Variants in SHISA6 observed in about 807,000 individuals in gnomAD.
The protein encoded by SHISA6 is protein shisa-6.
Under a neutral mutation model 47.9 loss-of-function variants are expected in SHISA6, and 22 were observed. The ratio of observed to expected loss-of-function variants is 0.46; its 90% CI spans 0.33 to 0.66. The LOEUF is 0.66. SHISA6 is among the 30% of genes least tolerant of loss of function. The pLI is 0.02. For synonymous variants in SHISA6, 388 were observed against 337.8 expected (o/e 1.15, Z -1.63); for missense variants, 680 against 764.6 (o/e 0.89, Z 1.30).
chr17:11,545,476 G>A (rs2071875669), intron 3 of SHISA6, among the ~76,000 whole-genome samples: 2 of 152,178 alleles, frequency 1.3e-5, no homozygotes, highest in South Asian at 4.1e-4. Context: ...CATTGACTGT[G>A]TTAATGCCAA....
chr17:11,321,719 C>T (rs1007567710), intron 2 of SHISA6, among the ~76,000 whole-genome samples: 3 of 152,030 alleles, frequency 2.0e-5, no homozygotes, highest in Non-Finnish European at 4.4e-5. Flanking sequence ...GTTTTTGCTG[C>T]TATTGTTGTT....
Position 11,541,880 on chromosome 17 carries a change from T to C in SHISA6, c.896-10016T>C, listed in dbSNP as rs16944985. Among the ~76,000 whole-genome samples the C allele has an allele frequency of 4.7e-3, 708 of 152,236 alleles. 13 individuals carry two copies. In the East Asian group the frequency reaches 0.069, roughly 15 times the overall value. ...TGATTGGGGAGACTGTGCCCAGAAC[T>C]CCAGTGAAGCTGGTCATGCCCCAGT... On this transcript the variant is annotated intron_variant, in intron 3 of 5. Coordinates refer to ENST00000441885, the MANE Select transcript of SHISA6 (RefSeq NM_207386.4).
chr17:11,375,621 G>A (rs1355098368), intron 2 of SHISA6, among the ~76,000 whole-genome samples: 1 of 152,068 alleles, frequency 6.6e-6, no homozygotes, highest in Non-Finnish European at 1.5e-5. Context: ...TCTTATCAGA[G>A]TCAGCCGTAT....
intron 1 of SHISA6, among the ~76,000 whole-genome samples, chr17:11,251,887 C>T (rs545672874): frequency 1.3e-5 from 2 of 152,292 alleles, no homozygotes; most frequent in South Asian, 2.1e-4. Flanking sequence ...ACCTGCCACA[C>T]GCCTCAAGGT....
chr17:11,444,178 G>T (rs1482490076), intron 3 of SHISA6, among the ~76,000 whole-genome samples: 1 of 152,098 alleles, frequency 6.6e-6, no homozygotes, highest in African/African-American at 2.4e-5. Flanking sequence ...AATTAGCTAG[G>T]CGTGGTGGCA....
At chr17:11,245,772 G>T (rs1353221047) in intron 1 of SHISA6, among the ~76,000 whole-genome samples, 2 of 152,048 alleles carry the variant, frequency 1.3e-5, no homozygotes, top group African/African-American at 4.8e-5. Flanking sequence ...TATCTAGGTG[G>T]GTGGGAAGAA....
chr17:11,467,840 G>C (rs753422566), intron 3 of SHISA6, among the ~76,000 whole-genome samples: 1 of 152,138 alleles, frequency 6.6e-6, no homozygotes, highest in Admixed American at 6.5e-5. Flanking sequence ...AGATAATGGC[G>C]AACCAAGTAC....
intron 3 of SHISA6, among the ~76,000 whole-genome samples, chr17:11,393,311 A>G (rs909304930): frequency 6.6e-6 from 1 of 152,022 alleles, no homozygotes; most frequent in Non-Finnish European, 1.5e-5. Flanking sequence ...TTACCATTCT[A>G]TTTCATTCTC....
At chr17:11,395,738 G>A (rs1056344793) in intron 3 of SHISA6, among the ~76,000 whole-genome samples, 7 of 151,818 alleles carry the variant, frequency 4.6e-5, no homozygotes, top group Admixed American at 1.3e-4. Context: ...CGCTGGTCTC[G>A]AACTCCTGAT....
At chr17:11,325,499 C>T (rs1283516428) in intron 2 of SHISA6, among the ~76,000 whole-genome samples, 4 of 152,108 alleles carry the variant, frequency 2.6e-5, no homozygotes, top group South Asian at 4.1e-4. Flanking sequence ...TAGGTGAAAG[C>T]GAGCTTTACA....
At position 11,560,957 on chromosome 17, in the gene SHISA6, A is replaced by T. The variant is rs2072037777; in HGVS notation, c.*2653A>T. On this transcript the variant is annotated 3_prime_UTR_variant, in exon 6 of 6. Coordinates refer to ENST00000441885, the MANE Select transcript of SHISA6 (RefSeq NM_207386.4). ...GGGAGGGGAGGAGGGAAGAAAAAAG[A>T]AGTAGAGATAGGTCTACAGACTTGC... The T allele has an allele frequency of 6.6e-6, 1 of 152,200 alleles. No individual in the cohort carries two copies. The highest frequency in any genetic ancestry group is 1.5e-5 in the Non-Finnish European group (1 of 68,060). The allele number at this position is 152,200 out of a possible 1,614,324, so 9.4% of individuals were successfully genotyped here. A position where few individuals can be genotyped will look rare whatever the true frequency, so the allele number is the denominator to read the frequency against.
chr17:11,290,907 G>A (rs1317433590), intron 2 of SHISA6: 4 of 151,864 alleles, frequency 2.6e-5, no homozygotes, highest in Non-Finnish European at 5.9e-5. Context: ...CATGCTCTTC[G>A]CCTTGAATGT....
intron 3 of SHISA6, among the ~76,000 whole-genome samples, chr17:11,404,346 C>T (rs955281667): frequency 2.6e-5 from 4 of 152,166 alleles, no homozygotes; most frequent in African/African-American, 9.7e-5. Context: ...CCTTATCTGG[C>T]CCACTGAAGA....
chr17:11,548,038 A>T (rs2071897377), intron 3 of SHISA6, among the ~76,000 whole-genome samples: 1 of 152,188 alleles, frequency 6.6e-6, no homozygotes, highest in Non-Finnish European at 1.5e-5. Flanking sequence ...ATAGTTAAGA[A>T]TGTGGGCCTA....
At chr17:11,348,316 G>T (rs764089159) in intron 2 of SHISA6, among the ~76,000 whole-genome samples, 1 of 152,148 alleles carries the variant, frequency 6.6e-6, no homozygotes, top group African/African-American at 2.4e-5. Flanking sequence ...GAACATACAT[G>T]ATTCTCAAAA....
At position 11,425,533 on chromosome 17, in the gene SHISA6, C is replaced by T. The variant is rs1033695034; in HGVS notation, c.895+46024C>T. Reference sequence around the variant, plus strand: ...CCACATTTTCAGACATTAAAAATGCCTTTTCACTAATAAAGAATTCCTTTG... The same window carrying T: ...CCACATTTTCAGACATTAAAAATGCTTTTTCACTAATAAAGAATTCCTTTG... On this transcript the variant is annotated intron_variant, in intron 3 of 5. Transcript: ENST00000441885. Among the ~76,000 whole-genome samples, 9 of 152,060 alleles carry T rather than the reference C, an allele frequency of 5.9e-5. No homozygotes were observed. In the East Asian group the frequency reaches 1.2e-3, roughly 20 times the overall value.
At chr17:11,496,072 C>A (rs1452898638) in intron 3 of SHISA6, among the ~76,000 whole-genome samples, 1 of 152,132 alleles carries the variant, frequency 6.6e-6, no homozygotes, top group African/African-American at 2.4e-5. Flanking sequence ...GTACCAGACA[C>A]AATACGGTGC....
chr17:11,396,854 C>T (rs981111055), intron 3 of SHISA6, among the ~76,000 whole-genome samples: 1 of 152,138 alleles, frequency 6.6e-6, no homozygotes, highest in African/African-American at 2.4e-5. Context: ...CACGTGGATA[C>T]CTATGTAACA....
intron 2 of SHISA6, among the ~76,000 whole-genome samples, chr17:11,297,048 A>C (rs1280771378): frequency 6.6e-6 from 1 of 152,156 alleles, no homozygotes; most frequent in Non-Finnish European, 1.5e-5. Context: ...AAAGAGGTGG[A>C]TGAGGAGAAG....
Sources: allele counts gnomAD v4.1 joint callset (sites outside exome capture counted in the v4.1 genomes callset), GRCh38; gene constraint gnomAD v4.1.1; transcripts MANE v1.5; gene names NCBI Gene and HGNC (gene_info 2026-07-23, HGNC 2026-07-21).